Variants in GLMN observed in about 807,000 individuals in gnomAD.
GLMN encodes the protein glomulin.
In GLMN, 75 loss-of-function variants were observed where a neutral mutation model predicts 87.8. That is an observed-to-expected ratio of 0.85 (90% CI 0.71 to 1.04). GLMN has a LOEUF of 1.04. GLMN is among the 50% of genes least tolerant of loss of function. The pLI, the probability that GLMN is intolerant of heterozygous loss-of-function variation, is 0.00. For missense variants in GLMN, 588 were observed against 658.8 expected, an observed-to-expected ratio of 0.89 and a Z score of 1.18; for synonymous variants, 206 against 221.6, an observed-to-expected ratio of 0.93 and a Z score of 0.63.
At chr1:92,301,440 CT>C, upstream of GLMN, 1 of 1,108,994 alleles carries the variant, frequency 9.0e-7, no homozygotes. Flanking sequence ...GGACATGAAG[CT>C]TTTAAGTAGA....
intron 16 of GLMN, 128 bp from the exon 17 acceptor site, chr1:92,248,117 A>G (rs1417172233): frequency 3.1e-6 from 2 of 637,614 alleles, no homozygotes; most frequent in Admixed American, 2.7e-5. Flanking sequence ...GGACTTCACT[A>G]TTTAATAATT....
At chr1:92,290,145 C>CA (rs1262099126) in intron 5 of GLMN, 53 bp downstream of exon 5, 12 of 987,958 alleles carry the variant, frequency 1.2e-5, no homozygotes, top group Non-Finnish European at 1.8e-5. Context: ...AGGTAACCAT[C>CA]AAGGCATTTA....
chr1:92,296,934 T>C (rs1208599991), intron 3 of GLMN, among the ~76,000 whole-genome samples: 1 of 152,196 alleles, frequency 6.6e-6, no homozygotes. Flanking sequence ...ATATTTCTCA[T>C]TGTAAATTAA....
chr1:92,257,747 T>A (rs1486330950), intron 16 of GLMN, among the ~76,000 whole-genome samples: 1 of 151,948 alleles, frequency 6.6e-6, no homozygotes, highest in East Asian at 1.9e-4. Context: ...AAAATTAACT[T>A]GACATGGATT....
At chr1:92,319,289 C>T in the GLMN span, among the ~76,000 whole-genome samples, 1 of 152,146 alleles carries the variant, frequency 6.6e-6, no homozygotes, top group East Asian at 1.9e-4. Flanking sequence ...TTATTATGAG[C>T]TTTACTGTCT....
chr1:92,282,523 G>A (rs1318158408), intron 7 of GLMN, among the ~76,000 whole-genome samples: 1 of 152,130 alleles, frequency 6.6e-6, no homozygotes, highest in East Asian at 1.9e-4. Context: ...AAGAAAGCAG[G>A]AAAGAGCTAA....
At chr1:92,279,073 TCAC>T (rs1420522246) in intron 7 of GLMN, among the ~76,000 whole-genome samples, 1 of 122,590 alleles carries the variant, frequency 8.2e-6, no homozygotes, top group Non-Finnish European at 1.7e-5. Context: ...AATGATCCAA[TCAC>T]CTTTTCACTG....
At chr1:92,328,738 A>G in the GLMN span, among the ~76,000 whole-genome samples, 1 of 152,174 alleles carries the variant, frequency 6.6e-6, no homozygotes, top group South Asian at 2.1e-4. Context: ...TCATATTACT[A>G]GAATTGTTTT....
chr1:92,257,274 C>T (rs927322314), intron 16 of GLMN, among the ~76,000 whole-genome samples: 9 of 152,174 alleles, frequency 5.9e-5, no homozygotes, highest in Admixed American at 5.9e-4. Context: ...AAAAACATTC[C>T]ATGCTCATCG....
chr1:92,268,769 T>C (rs903838328), intron 9 of GLMN, among the ~76,000 whole-genome samples: 5 of 152,200 alleles, frequency 3.3e-5, no homozygotes, highest in African/African-American at 7.2e-5. Flanking sequence ...CTAGTGTTCA[T>C]AGAGGATAAT....
At chr1:92,290,096 T>C in intron 5 of GLMN, 102 bp downstream of exon 5, 1 of 747,056 alleles carries the variant, frequency 1.3e-6, no homozygotes, top group Non-Finnish European at 2.5e-6. Flanking sequence ...ACTCACTAAT[T>C]AGCTGTAAAC....
chr1:92,275,812 T>A (rs1263064937), intron 7 of GLMN, among the ~76,000 whole-genome samples: 1 of 152,184 alleles, frequency 6.6e-6, no homozygotes, highest in Non-Finnish European at 1.5e-5. Flanking sequence ...TTCTGTGTAT[T>A]TCTACCACTT....
chr1:92,264,456 C>T, intron 14 of GLMN, 98 bp downstream of exon 14: 1 of 686,580 alleles, frequency 1.5e-6, no homozygotes. Context: ...AATAGTAATA[C>T]TAGAGATAGA....
the GLMN span, among the ~76,000 whole-genome samples, chr1:92,313,059 G>A: frequency 2.0e-5 from 3 of 152,116 alleles, no homozygotes; most frequent in South Asian, 6.2e-4. Flanking sequence ...AGAGATGGGG[G>A]TTTTGCCATG....
Position 92,286,586 on chromosome 1 carries a change from G to C in GLMN, c.639C>G (p.Phe213Leu). The C allele has an allele frequency of 6.5e-7, 1 of 1,548,058 alleles. No individual in the cohort carries two copies. Among genetic ancestry groups the C allele is most frequent in the Non-Finnish European group, 8.9e-7 (1 of 1,120,414 alleles). The change falls in exon 7 of 19, where the codon TTC becomes TTG. Residue 213 changes from phenylalanine to leucine, a missense_variant. Coordinates refer to ENST00000370360, the MANE Select transcript of GLMN (RefSeq NM_053274.3). The part of the protein sequence containing the change: ...KLKDELLKFC[F>L]KSLKCPLLTA... The stretch of plus-strand genomic sequence containing the variant: ...TCAGCAAAGGGCATTTCAAGCTTTT[G>C]AAACAACTAAGGCATAAGAAATAGG...
At chr1:92,290,636 A>G (rs1315331087) in intron 4 of GLMN, among the ~76,000 whole-genome samples, 2 of 152,202 alleles carry the variant, frequency 1.3e-5, no homozygotes, top group African/African-American at 4.8e-5. Flanking sequence ...CTGCAAGCCT[A>G]TTTAGACTAG....
At chr1:92,337,061 T>G in the GLMN span, among the ~76,000 whole-genome samples, 1 of 152,124 alleles carries the variant, frequency 6.6e-6, no homozygotes, top group Non-Finnish European at 1.5e-5. Flanking sequence ...GGCTTATTAG[T>G]AGAGGTGTAC....
the GLMN span, among the ~76,000 whole-genome samples, chr1:92,327,993 C>T: frequency 1.8e-3 from 273 of 152,330 alleles, 3 homozygotes; most frequent in African/African-American, 6.0e-3. Context: ...CCAATGTCTT[C>T]TAGCTTATAG....
the GLMN span, among the ~76,000 whole-genome samples, chr1:92,331,493 T>A: frequency 6.6e-6 from 1 of 152,178 alleles, no homozygotes; most frequent in African/African-American, 2.4e-5. Flanking sequence ...ATATACTCTT[T>A]TACTGATCAT....
Sources: allele counts gnomAD v4.1 joint callset (sites outside exome capture counted in the v4.1 genomes callset), GRCh38; gene constraint gnomAD v4.1.1; transcripts MANE v1.5; gene names NCBI Gene and HGNC (gene_info 2026-07-23, HGNC 2026-07-21).